The following ABCB8 variants were observed in gnomAD, a reference collection of about 807,000 sequenced individuals.
ABCB8 encodes mitochondrial potassium channel ATP-binding subunit.
ABCB8 carries 52 observed loss-of-function variants against 73.0 expected under a neutral mutation model. The ratio of observed to expected loss-of-function variants is 0.71; its 90% CI spans 0.57 to 0.90. The LOEUF is 0.90. Among genes scored for constraint, ABCB8 ranks in the 40% least tolerant of loss-of-function variants. ABCB8 has a pLI of 0.00. For synonymous variants in ABCB8, 428 were observed against 423.5 expected (o/e 1.01, Z -0.13); for missense variants, 909 against 974.6 (o/e 0.93, Z 0.90).
chr7:151,044,356 C>A, intron 15 of ABCB8, 135 bp downstream of exon 15: 1 of 1,412,338 alleles, frequency 7.1e-7, no homozygotes, highest in South Asian at 1.3e-5. Context: ...GAAGCAGCGT[C>A]CCATATAGAG....
intron 2 of ABCB8, 82 bp from the exon 3 acceptor site, chr7:151,034,191 G>A: frequency 6.8e-7 from 1 of 1,475,234 alleles, no homozygotes. Context: ...TAGTGGGAGA[G>A]GAAGGGCCAA....
chr7:151,032,871 G>C (rs1259898303), intron 1 of ABCB8: 1 of 364,680 alleles, frequency 2.7e-6, no homozygotes, highest in Non-Finnish European at 5.6e-6. Flanking sequence ...GTGTCATGGC[G>C]CCCCAGGCCA....
intron 15 of ABCB8, 50 bp downstream of exon 15, chr7:151,044,271 C>T (rs773713909): frequency 8.3e-5 from 130 of 1,573,910 alleles, no homozygotes; most frequent in Non-Finnish European, 1.0e-4. Context: ...GGCTTCATCA[C>T]GGACAGTGGC....
In ABCB8 at chr7:151,028,825, T is replaced by C. The variant is rs376518511; in HGVS notation, c.95+215T>C. ...GGAGGCTCCTGCGTCTGCAGCCGCG[T>C]GTCAGCCAGAAGGAGGGGACGCTCG... On this transcript the variant is annotated intron_variant, in intron 1 of 15. Coordinates refer to ENST00000358849, the MANE Select transcript of ABCB8 (RefSeq NM_007188.5). 3.5e-5 allele frequency: 55 copies of C among 1,556,212 alleles called. No homozygotes were observed. In the African/African-American group the frequency reaches 6.2e-4, roughly 18 times the overall value.
intron 1 of ABCB8, chr7:151,031,351 C>G: frequency 6.6e-7 from 1 of 1,516,186 alleles, no homozygotes; most frequent in South Asian, 1.2e-5. Flanking sequence ...GACATAAAAA[C>G]CTGGCAGTTG....
At chr7:151,042,999 TACTG>T (rs1259612189) in intron 14 of ABCB8, among the ~76,000 whole-genome samples, 2 of 152,236 alleles carry the variant, frequency 1.3e-5, no homozygotes, top group Middle Eastern at 3.2e-3. Flanking sequence ...GCTGCGTCCT[TACTG>T]ACCTGTCACC....
At chr7:151,029,849 A>G (rs1361488606) in intron 1 of ABCB8, 3 of 152,146 alleles carry the variant, frequency 2.0e-5, no homozygotes, top group Non-Finnish European at 2.9e-5. Context: ...GGCCAAACAG[A>G]TAGAAGATTC....
rs372471678 is a variant in ABCB8, at chr7:151,040,191, C to T, written c.1218-77C>T. On this transcript the variant is annotated intron_variant, in intron 9 of 15. Coordinates refer to ENST00000358849, the MANE Select transcript of ABCB8 (RefSeq NM_007188.5). ...GGCCACCTGCTTCCTTGCTCCCCCG[C>T]CCCACCGTGGCTTCCTTCCCCTCCT... 9 of 1,543,984 alleles carry T rather than the reference C, an allele frequency of 5.8e-6. No individual in the cohort carries two copies. The East Asian group carries it at 2.0e-4, about 35-fold the overall frequency.
intron 9 of ABCB8, chr7:151,039,570 G>A (rs1796400715): frequency 1.3e-5 from 2 of 152,338 alleles, no homozygotes; most frequent in African/African-American, 4.8e-5. Flanking sequence ...CGGGACGAAG[G>A]AGGCCACCCA....
Position 151,044,015 on chromosome 7 carries a change from G to A in ABCB8, c.1810G>A (p.Ala604Thr). ...TLSGGQKQRL[A>T]IARALIKQPT... ...GTCTGGGGGCCAGAAGCAGCGCCTG[G>A]CCATCGCCCGAGCCCTTATCAAGCA... Residue 604 changes from alanine to threonine, a missense_variant, in exon 15 of 16, where the codon GCC (alanine) becomes ACC (threonine). Ala to Thr is a moderately conservative substitution (Grantham distance 58). Transcript: ENST00000358849. 6.2e-7 allele frequency: 1 copy of A among 1,612,988 alleles called. No individual in the cohort carries two copies. The highest frequency in any genetic ancestry group is 8.5e-7 in the Non-Finnish European group (1 of 1,179,844).
intron 1 of ABCB8, chr7:151,033,370 A>C: frequency 2.9e-6 from 4 of 1,357,010 alleles, no homozygotes; most frequent in Middle Eastern, 2.7e-4. Flanking sequence ...GCCCAGGGGA[A>C]TAAGACTTTT....
intron 11 of ABCB8, 46 bp downstream of exon 11, chr7:151,040,680 A>T: frequency 1.2e-6 from 2 of 1,602,104 alleles, no homozygotes; most frequent in East Asian, 4.5e-5. Flanking sequence ...TGGGCCGGGG[A>T]TGAGGCGAGT....
Position 151,041,241 on chromosome 7 carries a change from C to T in ABCB8, c.1617+9C>T, listed in dbSNP as rs1362544420. On this transcript the variant is annotated intron_variant, in intron 13 of 15. Coordinates refer to ENST00000358849, the MANE Select transcript of ABCB8 (RefSeq NM_007188.5). ...TCGGCTTCATCAGCCAGGTGCGGGG[C>T]CACATGGGCAGCCCTTGGCTCCCAC... is the stretch of plus-strand genomic sequence containing the variant. 5.6e-6 allele frequency: 9 copies of T among 1,594,618 alleles called. No homozygotes were observed. The Admixed American group carries it at 1.2e-4, about 21-fold the overall frequency.
chr7:151,042,065 C>T lies in ABCB8; in HGVS notation c.1722C>T (p.His574=), dbSNP rs1796482437. 5.6e-6 allele frequency: 9 copies of T among 1,613,064 alleles called. No individual in the cohort carries two copies. The highest frequency in any genetic ancestry group is 5.3e-5 in the African/African-American group (4 of 74,932). The change falls in exon 14 of 16, where the codon CAC becomes CAT. Residue 574 remains histidine (H), a synonymous_variant. Coordinates refer to ENST00000358849, the MANE Select transcript of ABCB8 (RefSeq NM_007188.5). ...CAGCCGCCCGGGAAGCGAATGCTCA[C>T]GAGTTCATCACCAGCTTCCCCGAGG... The part of the protein sequence containing the change: ...VYTAAREANA[H]EFITSFPEGY...
chr7:151,035,283 T>C (rs1044638563), intron 5 of ABCB8, among the ~76,000 whole-genome samples: 12 of 152,222 alleles, frequency 7.9e-5, no homozygotes, highest in Non-Finnish European at 1.6e-4. Context: ...TGTACCCCCA[T>C]GCAGTTCTCT....
At chr7:151,031,624 C>A in intron 1 of ABCB8, 1 of 195,644 alleles carries the variant, frequency 5.1e-6, no homozygotes, top group Non-Finnish European at 1.0e-5. Context: ...CCATGCCCCT[C>A]TGCTATGATC....
At chr7:151,040,221 C>T in intron 9 of ABCB8, 47 bp from the exon 10 acceptor site, 1 of 1,604,726 alleles carries the variant, frequency 6.2e-7, no homozygotes, top group Non-Finnish European at 8.5e-7. Flanking sequence ...CCTCCTCTGG[C>T]TCTTCTTGTT....
At position 151,033,680 on chromosome 7, in the gene ABCB8, C is replaced by T; in HGVS notation, c.171C>T (p.Leu57=). Residue 57 remains leucine (L), a synonymous_variant, in exon 2 of 16, where the codon CTC becomes CTT. Coordinates refer to ENST00000358849, the MANE Select transcript of ABCB8 (RefSeq NM_007188.5). ...AHLRSQLWAH[L]PRAPLAPRWS... ...TGCGGTCCCAGCTCTGGGCCCACCT[C>T]CCTCGAGCCCCCCTAGCTCCCAGAT... 1 of 1,611,876 alleles carries T rather than the reference C, an allele frequency of 6.2e-7. No individual in the cohort carries two copies. Among genetic ancestry groups the T allele is most frequent in the Non-Finnish European group, 8.5e-7 (1 of 1,178,746 alleles).
At chr7:151,039,549 C>T (rs373241470) in intron 9 of ABCB8, 1 of 152,606 alleles carries the variant, frequency 6.6e-6, no homozygotes, top group Non-Finnish European at 1.5e-5. Context: ...CCAGCCCTAC[C>T]CCGGCCCTGC....
Sources: gnomAD v4.1 joint callset for allele counts (sites outside exome capture counted in the v4.1 genomes callset) on GRCh38, gnomAD v4.1.1 for gene constraint, MANE v1.5 for transcripts, NCBI Gene and HGNC (gene_info 2026-07-23, HGNC 2026-07-21) for gene names.